BLOC1S6: variants seen among roughly 807,000 people sequenced by gnomAD.
BLOC1S6 encodes biogenesis of lysosome-related organelles complex 1 subunit 6.
In BLOC1S6, 24 loss-of-function variants were observed where a neutral mutation model predicts 24.7. The observed-to-expected ratio is 0.97, with a 90% CI of 0.70 to 1.37. The LOEUF is 1.37. Among genes scored for constraint, BLOC1S6 ranks in the 40% most tolerant of loss-of-function variants. The pLI is 0.00. For synonymous variants in BLOC1S6, 76 were observed against 72.6 expected (o/e 1.05, Z -0.23); for missense variants, 175 against 196.2 (o/e 0.89, Z 0.64).
rs1894585104 is a variant in BLOC1S6 at position 45,609,071 on chromosome 15, A to G, written c.*2557A>G. Reference sequence around the variant, plus strand: ...AAAAAAAATGTGAAAATAAATATATATTAGTATCCTTTATTTTAAAGTCAA... The same window carrying G: ...AAAAAAAATGTGAAAATAAATATATGTTAGTATCCTTTATTTTAAAGTCAA... On this transcript the variant is annotated 3_prime_UTR_variant, in exon 5 of 5. Transcript: ENST00000220531. 6.6e-6 allele frequency: 1 copy of G among 152,224 alleles called. No homozygotes were observed. The highest frequency in any genetic ancestry group is 2.4e-5 in the African/African-American group (1 of 41,456). The allele number at this position is 152,224 out of a possible 1,614,324, so 9.4% of individuals were successfully genotyped here.
Position 45,592,172 on chromosome 15 carries a change from G to C in BLOC1S6, c.120G>C (p.Glu40Asp). 6.2e-7 allele frequency: 1 copy of C among 1,614,136 alleles called. No homozygotes were observed. The highest frequency in any genetic ancestry group is 1.1e-5 in the South Asian group (1 of 91,084). ...CTTCTCCAGATGAAGGGTTAATAGA[G>C]GACTTGACTATAGAAGACAAAGCAG... The part of the protein sequence containing the change: ...SDTSPDEGLI[E>D]DLTIEDKAVE... The change falls in exon 2 of 5, where the codon GAG (glutamate) becomes GAC (aspartate). Residue 40 changes from glutamate (E) to aspartate (D), a missense_variant. Physicochemically the swap from Glu to Asp is conservative, Grantham distance 45. Coordinates refer to ENST00000220531, the MANE Select transcript of BLOC1S6 (RefSeq NM_012388.4).
chr15:45,604,580 T>C (rs1198868441), intron 3 of BLOC1S6, among the ~76,000 whole-genome samples: 1 of 152,210 alleles, frequency 6.6e-6, no homozygotes, highest in Non-Finnish European at 1.5e-5. Context: ...CTTCTCTTAG[T>C]CAAGAGTAGT....
intron 1 of BLOC1S6, 70 bp downstream of exon 1, chr15:45,587,595 T>C (rs1893724209): frequency 7.0e-7 from 1 of 1,429,158 alleles, no homozygotes; most frequent in African/African-American, 1.4e-5. Context: ...TGAGTAGAAC[T>C]CCGGAGAAAC....
intron 2 of BLOC1S6, among the ~76,000 whole-genome samples, chr15:45,595,965 GC>G (rs1220405141): frequency 6.6e-6 from 1 of 151,838 alleles, no homozygotes; most frequent in Non-Finnish European, 1.5e-5. Context: ...GCACCACCAC[GC>G]CTGTCTAATT....
Position 45,608,507 on chromosome 15 carries a change from C to CT in BLOC1S6, c.*1994dup, listed in dbSNP as rs2140923107. On this transcript the variant is annotated 3_prime_UTR_variant, in exon 5 of 5. Coordinates refer to ENST00000220531, the MANE Select transcript of BLOC1S6 (RefSeq NM_012388.4). ...AATGCTGGTTCCTGCACACAATTCT[C>CT]TATCTACTGAAGCACATCTGTTTTC... 6.6e-6 allele frequency: 1 copy of CT among 152,340 alleles called. No homozygotes were observed. Among genetic ancestry groups the CT allele is most frequent in the African/African-American group, 2.4e-5 (1 of 41,574 alleles). 9.4% of individuals were successfully genotyped at this position (152,340 alleles called of 1,614,324 possible).
intron 2 of BLOC1S6, among the ~76,000 whole-genome samples, chr15:45,595,492 G>A (rs988624026): frequency 1.3e-5 from 2 of 152,060 alleles, no homozygotes; most frequent in Non-Finnish European, 2.9e-5. Context: ...TTTTCTTATT[G>A]TTGAGTTTTA....
chr15:45,603,052 G>C (rs758518364), intron 2 of BLOC1S6, 48 bp from the exon 3 acceptor site: 1 of 1,265,034 alleles, frequency 7.9e-7, no homozygotes, highest in South Asian at 1.2e-5. Context: ...TAATGGACCG[G>C]CACTTTAAAT....
chr15:45,602,600 G>T (rs1306992501), intron 2 of BLOC1S6, among the ~76,000 whole-genome samples: 1 of 152,290 alleles, frequency 6.6e-6, no homozygotes, highest in Admixed American at 6.5e-5. Context: ...CTGGCTGTTG[G>T]CCGGGGAAAG....
intron 1 of BLOC1S6, 30 bp downstream of exon 1, chr15:45,587,555 C>G: frequency 3.9e-6 from 6 of 1,546,564 alleles, no homozygotes; most frequent in Non-Finnish European, 5.2e-6. Context: ...AAGCGCGGCC[C>G]GGGCTGGGTG....
At position 45,609,076 on chromosome 15, in the gene BLOC1S6, T is replaced by C. The variant is rs1894585372; in HGVS notation, c.*2562T>C. On this transcript the variant is annotated 3_prime_UTR_variant, in exon 5 of 5. Transcript: ENST00000220531. ...AAATGTGAAAATAAATATATATTAGTATCCTTTATTTTAAAGTCAATTGTA... is the reference window on the plus strand; with the variant it reads ...AAATGTGAAAATAAATATATATTAGCATCCTTTATTTTAAAGTCAATTGTA... The C allele has an allele frequency of 6.6e-6, 1 of 152,244 alleles. No individual in the cohort carries two copies. Among genetic ancestry groups the C allele is most frequent in the South Asian group, 2.1e-4 (1 of 4,836 alleles). The allele number at this position is 152,244 out of a possible 1,614,324, so 9.4% of individuals were successfully genotyped here.
intron 2 of BLOC1S6, among the ~76,000 whole-genome samples, chr15:45,601,596 G>A (rs1894271286): frequency 6.6e-6 from 1 of 151,760 alleles, no homozygotes; most frequent in Non-Finnish European, 1.5e-5. Flanking sequence ...TGGGATCAGT[G>A]GTGATTACTG....
intron 2 of BLOC1S6, among the ~76,000 whole-genome samples, chr15:45,594,593 C>T (rs371984031): frequency 6.6e-6 from 1 of 152,086 alleles, no homozygotes. Context: ...GAACTTTCTC[C>T]CTTTTTTTGA....
At chr15:45,605,254 T>G (rs1204967612) in intron 3 of BLOC1S6, among the ~76,000 whole-genome samples, 174 bp from the exon 4 acceptor site, 1 of 152,186 alleles carries the variant, frequency 6.6e-6, no homozygotes, top group Non-Finnish European at 1.5e-5. Context: ...GTCTTTCAAA[T>G]CCTACTAACA....
chr15:45,594,503 G>T (rs1269815932), intron 2 of BLOC1S6, among the ~76,000 whole-genome samples: 1 of 152,084 alleles, frequency 6.6e-6, no homozygotes, highest in Non-Finnish European at 1.5e-5. Context: ...CACAAACATT[G>T]TCAGCATATT....
chr15:45,603,256 A>T, intron 3 of BLOC1S6, 69 bp downstream of exon 3: 1 of 950,672 alleles, frequency 1.1e-6, no homozygotes, highest in Non-Finnish European at 1.6e-6. Context: ...TTAGCTAAGC[A>T]ATAGCTAAGA....
At chr15:45,588,606 C>T (rs1468011548) in intron 1 of BLOC1S6, among the ~76,000 whole-genome samples, 1 of 152,198 alleles carries the variant, frequency 6.6e-6, no homozygotes, top group Non-Finnish European at 1.5e-5. Flanking sequence ...ACTCTTTCAA[C>T]GCATCTGTCC....
chr15:45,601,387 CG>C (rs919735932), intron 2 of BLOC1S6: 11 of 154,274 alleles, frequency 7.1e-5, no homozygotes, highest in African/African-American at 2.2e-4. Flanking sequence ...CGTTTGGTCC[CG>C]GTACTGTCTT....
chr15:45,587,404 C>A lies in BLOC1S6; in HGVS notation c.-40C>A, dbSNP rs367734448. 11 of 1,536,562 alleles carry A rather than the reference C, an allele frequency of 7.2e-6. No individual in the cohort carries two copies. Among genetic ancestry groups the A allele is most frequent in the Non-Finnish European group, 8.8e-6 (10 of 1,131,984 alleles). On this transcript the variant is annotated 5_prime_UTR_variant, in exon 1 of 5. Transcript: ENST00000220531. ...AGGTGCCGCCTTGCTTCTGACGAGC[C>A]ACACGTTTGCTTCTTCCCTGTGTTC...
In BLOC1S6 at chr15:45,609,266, G is replaced by A. The variant is rs1027639908; in HGVS notation, c.*2752G>A. ...GAGCCCAGGAGTTCAAGGCTGCAGT[G>A]AATTCTGATCGCACCACTGAACTCC... On this transcript the variant is annotated 3_prime_UTR_variant, in exon 5 of 5. Coordinates refer to ENST00000220531, the MANE Select transcript of BLOC1S6 (RefSeq NM_012388.4). 3 of 152,112 alleles carry A rather than the reference G, an allele frequency of 2.0e-5. No individual in the cohort carries two copies. The highest frequency in any genetic ancestry group is 2.9e-5 in the Non-Finnish European group (2 of 68,040). The allele number at this position is 152,112 out of a possible 1,614,324, so 9.4% of individuals were successfully genotyped here.
Sources: allele counts gnomAD v4.1 joint callset (sites outside exome capture counted in the v4.1 genomes callset), GRCh38; gene constraint gnomAD v4.1.1; transcripts MANE v1.5; gene names NCBI Gene and HGNC (gene_info 2026-07-23, HGNC 2026-07-21).